IGF2R: variants seen among roughly 807,000 people sequenced by gnomAD.
IGF2R encodes the protein cation-independent mannose-6-phosphate receptor.
In IGF2R, 91 loss-of-function variants were observed where a neutral mutation model predicts 270.6. The observed-to-expected ratio is 0.34, with a 90% CI of 0.28 to 0.40. The LOEUF is 0.40. IGF2R is among the 10% of genes least tolerant of loss of function. IGF2R has a pLI of 1.00. For missense variants in IGF2R, 2,805 were observed against 3,188.3 expected (o/e 0.88, Z 2.90); for synonymous variants, 1,316 against 1,258.9 (o/e 1.05, Z -0.96).
At chr6:159,992,598 TCACACACACACA>T (rs71033567) in intron 2 of IGF2R, among the ~76,000 whole-genome samples, 3 of 146,150 alleles carry the variant, frequency 2.1e-5, no homozygotes, top group East Asian at 3.9e-4. Context: ...AAGAATGAAA[TCACACACACACA>T]CACACACACA....
At position 160,043,206 on chromosome 6, in the gene IGF2R, T is replaced by A. The variant is rs932953205; in HGVS notation, c.1539T>A (p.His513Gln). Reference protein sequence around the residue: ...DGSQTETEKKHFFINICHRVL... With the variant: ...DGSQTETEKKQFFINICHRVL... ...GTCAGACGGAAACAGAGAAGAAGCATTTTTTCATTAATATTTGTCACAGAG... is the reference window on the plus strand; with the variant it reads ...GTCAGACGGAAACAGAGAAGAAGCAATTTTTCATTAATATTTGTCACAGAG... Residue 513 changes from histidine to glutamine, a missense_variant, in exon 12 of 48, where the codon CAT becomes CAA. Physicochemically the swap from His to Gln is conservative, Grantham distance 24. This residue lies in a region of IGF2R where 954 missense variants were observed against 981.1 expected (regional missense o/e 0.97). Transcript: ENST00000356956. 2.5e-6 allele frequency: 4 copies of A among 1,614,034 alleles called. No individual in the cohort carries two copies. The African/African-American group carries it at 5.3e-5, about 22-fold the overall frequency.
chr6:160,088,189 A>G, intron 42 of IGF2R, 42 bp downstream of exon 42: 1 of 1,238,592 alleles, frequency 8.1e-7, no homozygotes, highest in Admixed American at 1.7e-5. Context: ...TGCAGTGAGC[A>G]TACTGGAGGG....
intron 46 of IGF2R, among the ~76,000 whole-genome samples, chr6:160,103,129 C>T (rs114014569): frequency 1.3e-3 from 202 of 152,200 alleles, no homozygotes; most frequent in African/African-American, 4.6e-3. Context: ...TCACGTCAGG[C>T]GTCAGTGTTA....
At position 160,052,464 on chromosome 6, in the gene IGF2R, C is replaced by T. The variant is rs138946579; in HGVS notation, c.2694+1812C>T. ...CAAACAAATGGAAGAATATTCCATG[C>T]TCATGGATAGGAAGAATCAGTGTCA... is the stretch of plus-strand genomic sequence containing the variant. On this transcript the variant is annotated intron_variant, in intron 19 of 47. Transcript: ENST00000356956. 4.5e-3 allele frequency among the ~76,000 whole-genome samples: 687 copies of T among 152,270 alleles called. 7 individuals carry two copies. The highest frequency in any genetic ancestry group is 0.016 in the African/African-American group (658 of 41,544).
chr6:160,022,672 T>C (rs1757925451), intron 4 of IGF2R, among the ~76,000 whole-genome samples: 2 of 152,126 alleles, frequency 1.3e-5, no homozygotes, highest in South Asian at 4.2e-4. Flanking sequence ...AAGGAGCCCC[T>C]ATTATAGTGG....
chr6:160,014,316 C>T (rs761942555), intron 4 of IGF2R, among the ~76,000 whole-genome samples: 39 of 152,194 alleles, frequency 2.6e-4, no homozygotes, highest in Admixed American at 5.2e-4. Context: ...CAAACAACCT[C>T]GCTCCCCAGG....
intron 42 of IGF2R, 104 bp downstream of exon 42, chr6:160,088,251 C>G: frequency 1.3e-6 from 1 of 759,516 alleles, no homozygotes; most frequent in South Asian, 1.4e-5. Context: ...CTTAGGAGCT[C>G]AGGGCCAGAG....
chr6:160,038,683 T>C (rs1489616206), intron 10 of IGF2R, among the ~76,000 whole-genome samples: 1 of 152,116 alleles, frequency 6.6e-6, no homozygotes, highest in African/African-American at 2.4e-5. Context: ...ACCGGCAAGC[T>C]CAGGGGCCCA....
intron 41 of IGF2R, 144 bp from the exon 42 acceptor site, chr6:160,087,889 T>C: frequency 3.3e-6 from 2 of 605,496 alleles, no homozygotes; most frequent in Non-Finnish European, 6.1e-6. Flanking sequence ...TTGGTCAGGC[T>C]GGTCTCTAAC....
At chr6:160,036,303 A>G (rs1777822990) in intron 10 of IGF2R, among the ~76,000 whole-genome samples, 1 of 152,046 alleles carries the variant, frequency 6.6e-6, no homozygotes, top group African/African-American at 2.4e-5. Context: ...TACCTACGCT[A>G]CTAGCCTCCT....
intron 45 of IGF2R, among the ~76,000 whole-genome samples, chr6:160,098,575 T>G (rs1377133438): frequency 2.0e-5 from 3 of 152,126 alleles, no homozygotes; most frequent in Non-Finnish European, 4.4e-5. Context: ...TCCCAACATT[T>G]TGGGAGGCTA....
intron 2 of IGF2R, among the ~76,000 whole-genome samples, chr6:160,003,085 C>A (rs1024453785): frequency 6.6e-6 from 1 of 152,198 alleles, no homozygotes; most frequent in Non-Finnish European, 1.5e-5. Context: ...GTGAGTCCGA[C>A]TGTAGTTGCC....
chr6:159,987,264 G>A (rs1281053313), intron 1 of IGF2R, among the ~76,000 whole-genome samples: 1 of 152,154 alleles, frequency 6.6e-6, no homozygotes, highest in Admixed American at 6.5e-5. Context: ...AACATATCTA[G>A]TGATAGTTTA....
chr6:160,000,684 T>C (rs1197104905), intron 2 of IGF2R, among the ~76,000 whole-genome samples: 1 of 151,662 alleles, frequency 6.6e-6, no homozygotes, highest in Admixed American at 6.6e-5. Context: ...AGGAAGACGG[T>C]TGTCTCTAAA....
chr6:160,053,918 A>G lies in IGF2R; in HGVS notation c.2695-2506A>G, dbSNP rs528766685. On this transcript the variant is annotated intron_variant, in intron 19 of 47. Coordinates refer to ENST00000356956, the MANE Select transcript of IGF2R (RefSeq NM_000876.4). ...TTTTGAAGAGATGGGGGGTCTGTCT[A>G]TGTGGCCCAAGCTGGTCTTAGAACT... is the stretch of plus-strand genomic sequence containing the variant. 2.3e-3 allele frequency among the ~76,000 whole-genome samples: 347 copies of G among 152,216 alleles called. 1 individual carries two copies. The highest frequency in any genetic ancestry group is 7.1e-3 in the African/African-American group (294 of 41,534).
intron 16 of IGF2R, 36 bp downstream of exon 16, chr6:160,047,372 A>C: frequency 6.6e-7 from 1 of 1,515,644 alleles, no homozygotes; most frequent in South Asian, 1.3e-5. Flanking sequence ...CTCCCTGAGG[A>C]TACTCATGCC....
At chr6:160,021,292 A>G (rs915263340) in intron 4 of IGF2R, among the ~76,000 whole-genome samples, 1 of 152,010 alleles carries the variant, frequency 6.6e-6, no homozygotes, top group Admixed American at 6.5e-5. Context: ...TGTCCTTTGT[A>G]GGGACATGAA....
Position 160,061,737 on chromosome 6 carries a change from T to TA in IGF2R, c.3407-15dup. ...TCGCCTTCCTCATGCCCAAACCACT[T>TA]ATTCTGTTCTTCCAGGCAGCGCAGT... is the stretch of plus-strand genomic sequence containing the variant. On this transcript the variant is annotated splice_polypyrimidine_tract_variant and intron_variant, in intron 24 of 47. Coordinates refer to ENST00000356956, the MANE Select transcript of IGF2R (RefSeq NM_000876.4). The TA allele has an allele frequency of 6.2e-7, 1 of 1,614,094 alleles. No homozygotes were observed. The highest frequency in any genetic ancestry group is 8.5e-7 in the Non-Finnish European group (1 of 1,179,970).
chr6:160,095,079 G>A (rs567368125), intron 44 of IGF2R: 3 of 152,222 alleles, frequency 2.0e-5, no homozygotes, highest in African/African-American at 7.2e-5. Context: ...AGTCTTTTAG[G>A]TTGCTTGCCC....
Sources: allele counts gnomAD v4.1 joint callset (sites outside exome capture counted in the v4.1 genomes callset), GRCh38; gene constraint gnomAD v4.1.1; regional missense constraint gnomAD v4.1.1; transcripts MANE v1.5; gene names NCBI Gene and HGNC (gene_info 2026-07-23, HGNC 2026-07-21).